The following ATXN3 variants were observed in gnomAD, a reference collection of about 807,000 sequenced individuals.
ATXN3 encodes the protein ataxin-3.
Under a neutral mutation model 58.2 loss-of-function variants are expected in ATXN3, and 28 were observed. The observed-to-expected ratio is 0.48, with a 90% CI of 0.36 to 0.66. The LOEUF (loss-of-function observed/expected upper bound fraction) is 0.66, where lower values mean the gene tolerates loss of function less well. Among genes scored for constraint, ATXN3 ranks in the 30% least tolerant of loss-of-function variants. The probability of loss-of-function intolerance (pLI) is 0.00; values close to 1 mark genes in which losing one functional copy is unlikely to be tolerated. For synonymous variants in ATXN3, 113 were observed against 138.5 expected, an observed-to-expected ratio of 0.82 and a Z score of 1.29; for missense variants, 321 against 422.1, an observed-to-expected ratio of 0.76 and a Z score of 2.10.
At chr14:92,104,795 C>T (rs2067815494) in intron 1 of ATXN3, among the ~76,000 whole-genome samples, 2 of 151,818 alleles carry the variant, frequency 1.3e-5, no homozygotes, top group Non-Finnish European at 2.9e-5. Flanking sequence ...TGGTGGCGGG[C>T]GCCTGTAATC....
chr14:92,106,379 G>T, intron 1 of ATXN3, 150 bp downstream of exon 1: 1 of 977,010 alleles, frequency 1.0e-6, no homozygotes, highest in Non-Finnish European at 1.5e-6. Context: ...CTCGAGCCGA[G>T]GAGGCGGGAG....
chr14:92,100,185 C>A (rs898115738), intron 1 of ATXN3, among the ~76,000 whole-genome samples: 11 of 151,924 alleles, frequency 7.2e-5, no homozygotes, highest in Non-Finnish European at 1.5e-4. Flanking sequence ...ATTGGTATAA[C>A]CAATAATAAC....
chr14:92,064,344 A>G lies in ATXN3; in HGVS notation c.1062T>C (p.Asp354=). 6.2e-7 allele frequency: 1 copy of G among 1,611,532 alleles called. No individual in the cohort carries two copies. Among genetic ancestry groups the G allele is most frequent in the Non-Finnish European group, 8.5e-7 (1 of 1,178,042 alleles). Residue 354 remains aspartate (D), a synonymous_variant, in exon 11 of 11, where the codon GAT becomes GAC. Coordinates refer to ENST00000644486, the MANE Select transcript of ATXN3 (RefSeq NM_004993.6). ...ATTATTTTTTTCCTTCTGTTTTCAAATCATTTCTGACAGTTTCTAAAGACA... is the reference window on the plus strand; with the variant it reads ...ATTATTTTTTTCCTTCTGTTTTCAAGTCATTTCTGACAGTTTCTAAAGACA... ...VTMSLETVRN[D]LKTEGKK
intron 1 of ATXN3, among the ~76,000 whole-genome samples, chr14:92,103,646 T>C (rs1457523321): frequency 6.6e-6 from 1 of 152,166 alleles, no homozygotes; most frequent in Non-Finnish European, 1.5e-5. Flanking sequence ...CCCATTCAAA[T>C]ATTTATTGAG....
At position 92,106,566 on chromosome 14, in the gene ATXN3, G is replaced by A. The variant is rs768123597; in HGVS notation, c.-14C>T. 6 of 1,612,704 alleles carry A rather than the reference G, an allele frequency of 3.7e-6. No individual in the cohort carries two copies. ...GATGGACTCCATGTTTATTTGTCTG[G>A]AGCCAACGGCCCCCACGCCGAACCA... On this transcript the variant is annotated 5_prime_UTR_variant, in exon 1 of 11. Coordinates refer to ENST00000644486, the MANE Select transcript of ATXN3 (RefSeq NM_004993.6).
chr14:92,101,979 C>T (rs2066914891), intron 1 of ATXN3, among the ~76,000 whole-genome samples: 1 of 152,078 alleles, frequency 6.6e-6, no homozygotes, highest in Admixed American at 6.6e-5. Flanking sequence ...ATGGTGAAAC[C>T]TCGTCTCTAC....
chr14:92,075,741 C>A (rs562182115), intron 9 of ATXN3, among the ~76,000 whole-genome samples: 100 of 152,248 alleles, frequency 6.6e-4, no homozygotes, highest in African/African-American at 2.2e-3. Flanking sequence ...ACTACCTAGG[C>A]TAAGTAATCA....
intron 1 of ATXN3, among the ~76,000 whole-genome samples, chr14:92,106,145 T>C (rs2068287778): frequency 6.6e-6 from 1 of 151,882 alleles, no homozygotes; most frequent in Non-Finnish European, 1.5e-5. Context: ...GAGGGAGGTG[T>C]CCCAGAGATG....
intron 9 of ATXN3, among the ~76,000 whole-genome samples, chr14:92,073,298 C>A (rs1390505176): frequency 1.3e-5 from 2 of 152,248 alleles, no homozygotes; most frequent in African/African-American, 4.8e-5. Context: ...TACTCAGCAT[C>A]CACTCCCACT....
chr14:92,082,194 G>C lies in ATXN3; in HGVS notation c.775+106C>G, dbSNP rs917380381. 2.3e-6 allele frequency: 3 copies of C among 1,287,224 alleles called. No individual in the cohort carries two copies. In the African/African-American group the frequency reaches 4.4e-5, roughly 19 times the overall value. 79.7% of individuals were successfully genotyped at this position (1,287,224 alleles called of 1,614,324 possible). A position where few individuals can be genotyped will look rare whatever the true frequency, so the allele number is the denominator to read the frequency against. On this transcript the variant is annotated intron_variant, in intron 8 of 10. Transcript: ENST00000644486. ...CCACTATATAGCTATTGCTTCTGCA[G>C]TAATTGTCAAAACACCTCTAAGAGT...
At chr14:92,051,405 G>A (rs556864600), upstream of ATXN3, among the ~76,000 whole-genome samples, 44 of 152,148 alleles carry the variant, frequency 2.9e-4, no homozygotes, top group African/African-American at 1.0e-3. Flanking sequence ...GAATTCTATC[G>A]ATTGGCTAGG....
At chr14:92,090,643 A>G (rs983917330) in intron 5 of ATXN3, 2 of 152,186 alleles carry the variant, frequency 1.3e-5, no homozygotes, top group African/African-American at 4.8e-5. Flanking sequence ...AAGAAAATAA[A>G]CCAAAATTTG....
chr14:92,093,102 C>T, intron 5 of ATXN3, 150 bp downstream of exon 5: 1 of 404,414 alleles, frequency 2.5e-6, no homozygotes, highest in South Asian at 4.5e-5. Context: ...CCCTTTGTTG[C>T]CCAGGCTGGT....
intron 1 of ATXN3, among the ~76,000 whole-genome samples, chr14:92,097,172 G>C (rs2065574793): frequency 6.6e-6 from 1 of 151,812 alleles, no homozygotes; most frequent in Non-Finnish European, 1.5e-5. Flanking sequence ...GCCTCCCAAA[G>C]TGCTGGGATT....
chr14:92,085,819 G>A (rs902789431), intron 6 of ATXN3, among the ~76,000 whole-genome samples: 10 of 152,148 alleles, frequency 6.6e-5, no homozygotes, highest in African/African-American at 1.9e-4. Flanking sequence ...GGTAATTATT[G>A]ACACATAGAT....
intron 9 of ATXN3, among the ~76,000 whole-genome samples, chr14:92,074,682 T>C (rs980112725): frequency 2.0e-5 from 3 of 152,330 alleles, no homozygotes; most frequent in Middle Eastern, 6.8e-3. Flanking sequence ...CTAATTTCTA[T>C]ATTAAGTATT....
downstream of ATXN3, among the ~76,000 whole-genome samples, chr14:92,054,835 G>C (rs1014850375): frequency 2.0e-5 from 3 of 151,410 alleles, no homozygotes; most frequent in African/African-American, 7.3e-5. Context: ...GATGAGAGGA[G>C]AAAAAAAACC....
intron 6 of ATXN3, among the ~76,000 whole-genome samples, chr14:92,086,490 A>G (rs8005854): frequency 0.28 from 41,248 of 148,744 alleles, 6,028 homozygotes; most frequent in East Asian, 0.44. Flanking sequence ...GCTTGAACCC[A>G]GGAGGCAGAA....
chr14:92,073,348 CAT>C (rs1330667734), intron 9 of ATXN3, among the ~76,000 whole-genome samples: 1 of 152,250 alleles, frequency 6.6e-6, no homozygotes, highest in African/African-American at 2.4e-5. Flanking sequence ...CTAAAAGCTA[CAT>C]GTCTTAGATT....
Sources: gnomAD v4.1 joint callset for allele counts (sites outside exome capture counted in the v4.1 genomes callset) on GRCh38, gnomAD v4.1.1 for gene constraint, MANE v1.5 for transcripts, NCBI Gene and HGNC (gene_info 2026-07-23, HGNC 2026-07-21) for gene names.